The following PUDP variants were observed in gnomAD, a reference collection of about 807,000 sequenced individuals.
The protein encoded by PUDP is pseudouridine 5'-phosphatase, also known as pseudouridine-5'-phosphatase.
PUDP carries 8 observed loss-of-function variants against 9.4 expected under a neutral mutation model. That is an observed-to-expected ratio of 0.85 (90% CI 0.50 to 1.53). The LOEUF (loss-of-function observed/expected upper bound fraction) is 1.53. Ranked by LOEUF, PUDP falls within the 40% of genes most tolerant of loss-of-function variation. The pLI, the probability that PUDP is intolerant of heterozygous loss-of-function variation, is 0.00. For synonymous variants in PUDP, 99 were observed against 80.7 expected, an observed-to-expected ratio of 1.23 and a Z score of -1.22; for missense variants, 188 against 189.7, an observed-to-expected ratio of 0.99 and a Z score of 0.05.
chrX:7,099,480 CAT>C (rs1408756970), intron 2 of PUDP, among the ~76,000 whole-genome samples: 1 of 112,501 alleles, frequency 8.9e-6, no homozygotes, highest in Non-Finnish European at 1.9e-5. Flanking sequence ...TACATGGAAC[CAT>C]GAAGCCATAT....
chrX:6,914,634 G>C (rs145699261), intron 3 of PUDP, among the ~76,000 whole-genome samples: 2,640 of 112,047 alleles, frequency 0.024, 74 homozygotes, highest in African/African-American at 0.08. Context: ...GCTGGACCTG[G>C]AGCACCGCTC....
intron 3 of PUDP, among the ~76,000 whole-genome samples, chrX:6,922,712 A>G (rs1320091224): frequency 8.9e-6 from 1 of 112,171 alleles, no homozygotes; most frequent in African/African-American, 3.2e-5. Flanking sequence ...GAATGTCCAA[A>G]GAATCTCACC....
chrX:6,889,593 T>C (rs1259594447), intron 3 of PUDP, among the ~76,000 whole-genome samples: 1 of 112,506 alleles, frequency 8.9e-6, no homozygotes, highest in East Asian at 2.8e-4. Flanking sequence ...GCATACTCCA[T>C]AAATAGTTGT....
chrX:7,089,421 G>T (rs1931360157), intron 2 of PUDP, among the ~76,000 whole-genome samples: 1 of 111,294 alleles, frequency 9.0e-6, no homozygotes, highest in African/African-American at 3.3e-5. Flanking sequence ...CCGGAGATCT[G>T]AAGTCTCTCT....
intron 3 of PUDP, among the ~76,000 whole-genome samples, chrX:6,901,708 A>G (rs1927689626): frequency 8.9e-6 from 1 of 112,686 alleles, no homozygotes. Context: ...CTAAATAACT[A>G]TATCTAAATA....
intron 3 of PUDP, among the ~76,000 whole-genome samples, chrX:6,866,665 A>G (rs768796591): frequency 3.0e-4 from 34 of 111,805 alleles, no homozygotes; most frequent in Non-Finnish European, 6.0e-4. Context: ...TTGCAGGCAC[A>G]AAGATGAAGA....
At chrX:7,065,439 A>C (rs1312557628) in intron 3 of PUDP, among the ~76,000 whole-genome samples, 1 of 112,440 alleles carries the variant, frequency 8.9e-6, no homozygotes, top group Admixed American at 9.4e-5. Context: ...TAGTGTTGGA[A>C]GTAAGCCAGA....
At chrX:7,080,743 A>AT (rs1931055747) in intron 2 of PUDP, among the ~76,000 whole-genome samples, 1 of 111,153 alleles carries the variant, frequency 9.0e-6, no homozygotes, top group African/African-American at 3.3e-5. Context: ...GATGGATGAG[A>AT]TAAAAGGCTC....
chrX:6,863,250 A>T (rs1927030166), intron 3 of PUDP, among the ~76,000 whole-genome samples: 1 of 112,331 alleles, frequency 8.9e-6, no homozygotes, highest in East Asian at 2.8e-4. Flanking sequence ...AATTACTGAG[A>T]TATTTTACAT....
intron 3 of PUDP, among the ~76,000 whole-genome samples, chrX:6,913,453 C>T (rs758077991): frequency 9.0e-5 from 10 of 111,308 alleles, no homozygotes; most frequent in Non-Finnish European, 1.7e-4. Flanking sequence ...GGAGATACTC[C>T]AAGTCCTAAT....
intron 3 of PUDP, among the ~76,000 whole-genome samples, chrX:6,751,671 G>A (rs972089048): frequency 1.8e-5 from 2 of 111,523 alleles, no homozygotes; most frequent in Non-Finnish European, 3.8e-5. Context: ...AGAGACGTCA[G>A]AAATATAAAA....
chrX:6,838,579 G>A lies in PUDP; in HGVS notation c.*248-132113C>T, dbSNP rs777451557. Among the ~76,000 whole-genome samples, 8 of 112,000 alleles carry A rather than the reference G, an allele frequency of 7.1e-5. No individual in the cohort carries two copies. The South Asian group carries it at 2.3e-3, about 32-fold the overall frequency. ...ACTCTTTGGGCTTAATTACAGAACC[G>A]CAGCATTCAAAATACTCAACAACTT... On this transcript the variant is annotated intron_variant and NMD_transcript_variant, in intron 3 of 3. Coordinates refer to the PUDP transcript ENST00000655425.
intron 1 of PUDP, among the ~76,000 whole-genome samples, chrX:6,979,424 T>C (rs1929001286): frequency 8.9e-6 from 1 of 112,061 alleles, no homozygotes; most frequent in African/African-American, 3.2e-5. Context: ...CTGAGCAAGT[T>C]TGTTCCACAA....
chrX:7,075,245 G>A (rs756044389), intron 3 of PUDP, among the ~76,000 whole-genome samples: 15 of 112,286 alleles, frequency 1.3e-4, no homozygotes, highest in Non-Finnish European at 2.4e-4. Context: ...GGTGGCTCAC[G>A]CCTGTAATCC....
At chrX:7,031,821 C>G (rs772388280) in intron 1 of PUDP, among the ~76,000 whole-genome samples, 4 of 112,034 alleles carry the variant, frequency 3.6e-5, no homozygotes, top group Non-Finnish European at 7.5e-5. Flanking sequence ...TTGACCTGAA[C>G]GTAAAATCTA....
chrX:7,101,998 A>C (rs914192502), intron 2 of PUDP, among the ~76,000 whole-genome samples: 9 of 111,630 alleles, frequency 8.1e-5, no homozygotes, highest in African/African-American at 2.6e-4. Context: ...AGAAGGGGGA[A>C]AAAATGAAGA....
chrX:6,968,829 A>G (rs1048375681), intron 3 of PUDP, among the ~76,000 whole-genome samples: 36 of 111,283 alleles, frequency 3.2e-4, no homozygotes, highest in Non-Finnish European at 5.7e-5. Context: ...TACGTTGGCC[A>G]GGCTGGTCTC....
chrX:6,816,800 T>C (rs1926246683), intron 3 of PUDP, among the ~76,000 whole-genome samples: 1 of 95,318 alleles, frequency 1.0e-5, no homozygotes, highest in African/African-American at 3.8e-5. Context: ...ATATAGTATA[T>C]ACAATATATA....
chrX:6,916,225 CACACACACACACACACACACACA>C (rs1569122726), intron 3 of PUDP, among the ~76,000 whole-genome samples: 37 of 105,031 alleles, frequency 3.5e-4, no homozygotes, highest in Admixed American at 3.0e-3. Context: ...CACACACACA[CACACACACACACACACACACACA>C]CCCTGGGGAA....
Sources: gnomAD v4.1 joint callset for allele counts (sites outside exome capture counted in the v4.1 genomes callset) on GRCh38, gnomAD v4.1.1 for gene constraint, MANE v1.5 for transcripts, NCBI Gene and HGNC (gene_info 2026-07-23, HGNC 2026-07-21) for gene names.